ADGRL3: variants seen among roughly 807,000 people sequenced by gnomAD.
The protein encoded by ADGRL3 is calcium-independent alpha-latrotoxin receptor 3.
A neutral mutation model predicts 153.5 loss-of-function variants in ADGRL3; 62 were observed. The observed-to-expected ratio is 0.40, with a 90% CI of 0.33 to 0.50. The LOEUF (loss-of-function observed/expected upper bound fraction) is 0.50. ADGRL3 is among the 20% of genes least tolerant of loss of function. The pLI, the probability that ADGRL3 is intolerant of heterozygous loss-of-function variation, is 0.47. For missense variants in ADGRL3, 1,641 were observed against 1,859.4 expected (o/e 0.88, Z 2.16); for synonymous variants, 710 against 672.5 (o/e 1.06, Z -0.86).
At chr4:61,232,827 C>A (rs570138968) in intron 1 of ADGRL3, among the ~76,000 whole-genome samples, 21 of 152,126 alleles carry the variant, frequency 1.4e-4, no homozygotes, top group African/African-American at 4.8e-4. Flanking sequence ...TAGAAATAAG[C>A]CCTCAGCTTT....
At chr4:61,712,096 T>C (rs541214594) in intron 6 of ADGRL3, among the ~76,000 whole-genome samples, 1 of 152,194 alleles carries the variant, frequency 6.6e-6, no homozygotes, top group African/African-American at 2.4e-5. Flanking sequence ...GCATCTTGGT[T>C]AGAAAGGAAG....
intron 1 of ADGRL3, among the ~76,000 whole-genome samples, chr4:61,275,732 C>A (rs2093429335): frequency 1.3e-5 from 2 of 152,110 alleles, no homozygotes; most frequent in African/African-American, 4.8e-5. Flanking sequence ...CCCTGTAGGC[C>A]TTTAAGTGTG....
Position 61,350,360 on chromosome 4 carries a change from T to TC in ADGRL3, c.-239-32764_-239-32763insC, listed in dbSNP as rs1167567083. Among the ~76,000 whole-genome samples the TC allele has an allele frequency of 9.2e-5, 14 of 151,438 alleles. No individual in the cohort carries two copies. In the East Asian group the frequency reaches 2.5e-3, roughly 27 times the overall value. ...TGATGGAGGTTTTTTTTTTTTTTTTTTTCTATCTGGGGAAATGTACATCTT... is the reference window on the plus strand; with the variant it reads ...TGATGGAGGTTTTTTTTTTTTTTTTTCTTCTATCTGGGGAAATGTACATCTT... On this transcript the variant is annotated intron_variant, in intron 1 of 26. Coordinates refer to ENST00000683033, the MANE Select transcript of ADGRL3 (RefSeq NM_001387552.1).
intron 17 of ADGRL3, among the ~76,000 whole-genome samples, chr4:61,964,014 C>T (rs1318244278): frequency 6.6e-6 from 1 of 152,128 alleles, no homozygotes; most frequent in Non-Finnish European, 1.5e-5. Context: ...CATAGATTAT[C>T]TCATTTAATC....
rs192256603 is a variant in ADGRL3 at position 62,034,887 on chromosome 4, C to T, written c.3592-2844C>T. Among the ~76,000 whole-genome samples, 284 of 151,816 alleles carry T rather than the reference C, an allele frequency of 1.9e-3. 2 individuals carry two copies. Among genetic ancestry groups the T allele is most frequent in the African/African-American group, 6.6e-3 (274 of 41,484 alleles). On this transcript the variant is annotated intron_variant, in intron 23 of 26. Coordinates refer to ENST00000683033, the MANE Select transcript of ADGRL3 (RefSeq NM_001387552.1). ...CAGAGCTTCCACAATCATTTTATTT[C>T]TGATATGAGAAATATCAGAAATATT...
chr4:61,609,400 C>G (rs2099044725), intron 5 of ADGRL3, among the ~76,000 whole-genome samples: 1 of 151,998 alleles, frequency 6.6e-6, no homozygotes, highest in African/African-American at 2.4e-5. Flanking sequence ...TATTTTAAAA[C>G]CTTTATTAGG....
chr4:61,373,632 A>G (rs9999447), intron 1 of ADGRL3, among the ~76,000 whole-genome samples: 97,084 of 152,052 alleles, frequency 0.64, 31,133 homozygotes, highest in Middle Eastern at 0.79. Context: ...TTTAATTCAG[A>G]TAAATCATTT....
At chr4:61,693,502 T>C (rs1440448604) in intron 6 of ADGRL3, among the ~76,000 whole-genome samples, 1 of 152,088 alleles carries the variant, frequency 6.6e-6, no homozygotes, top group Non-Finnish European at 1.5e-5. Flanking sequence ...ATAAAGATTA[T>C]GTTAAGTCTG....
chr4:61,629,575 G>A (rs2093029520), intron 5 of ADGRL3, among the ~76,000 whole-genome samples: 1 of 151,124 alleles, frequency 6.6e-6, no homozygotes, highest in Admixed American at 6.6e-5. Flanking sequence ...AAATTAGCTG[G>A]GTGTGGTAGT....
chr4:61,417,166 G>A (rs575500383), intron 2 of ADGRL3, among the ~76,000 whole-genome samples: 1 of 152,114 alleles, frequency 6.6e-6, no homozygotes, highest in Admixed American at 6.5e-5. Context: ...GGGCCAGTAC[G>A]TGGCCTAGGG....
At chr4:61,327,050 A>T (rs2095479558) in intron 1 of ADGRL3, among the ~76,000 whole-genome samples, 1 of 152,022 alleles carries the variant, frequency 6.6e-6, no homozygotes, top group South Asian at 2.1e-4. Flanking sequence ...TATTGGAAAT[A>T]GTGGTGTTCA....
At chr4:61,368,384 C>G (rs2096450422) in intron 1 of ADGRL3, among the ~76,000 whole-genome samples, 1 of 152,054 alleles carries the variant, frequency 6.6e-6, no homozygotes, top group Non-Finnish European at 1.5e-5. Context: ...GTCTTTAATC[C>G]ATCTTGAATT....
At chr4:61,344,195 G>T (rs1347921322) in intron 1 of ADGRL3, among the ~76,000 whole-genome samples, 1 of 152,170 alleles carries the variant, frequency 6.6e-6, no homozygotes, top group Non-Finnish European at 1.5e-5. Context: ...CATTGACGTT[G>T]CTCAGTGAAA....
At chr4:61,734,960 G>A (rs1260063316) in intron 8 of ADGRL3, among the ~76,000 whole-genome samples, 1 of 152,154 alleles carries the variant, frequency 6.6e-6, no homozygotes, top group Non-Finnish European at 1.5e-5. Context: ...AAAATAAAGT[G>A]CAATCCTGTT....
intron 2 of ADGRL3, among the ~76,000 whole-genome samples, chr4:61,475,497 T>C (rs190900060): frequency 1.3e-5 from 2 of 152,182 alleles, no homozygotes; most frequent in Non-Finnish European, 2.9e-5. Context: ...GCAAGATATC[T>C]TCTATGAAGG....
chr4:61,336,728 C>T (rs576799041), intron 1 of ADGRL3, among the ~76,000 whole-genome samples: 1 of 152,086 alleles, frequency 6.6e-6, no homozygotes, highest in East Asian at 1.9e-4. Context: ...TGGGTACATT[C>T]ACTGTACCCA....
At chr4:61,988,559 A>G (rs908349886) in intron 19 of ADGRL3, among the ~76,000 whole-genome samples, 4 of 152,150 alleles carry the variant, frequency 2.6e-5, no homozygotes, top group Admixed American at 2.6e-4. Flanking sequence ...ATTCAGTGCT[A>G]AATACTTTGG....
At chr4:61,451,061 T>C (rs1344842195) in intron 2 of ADGRL3, among the ~76,000 whole-genome samples, 1 of 152,116 alleles carries the variant, frequency 6.6e-6, no homozygotes. Flanking sequence ...GATCATTGCG[T>C]TCGTTATCTA....
At chr4:61,242,490 G>A (rs1160229258) in intron 1 of ADGRL3, among the ~76,000 whole-genome samples, 8 of 151,910 alleles carry the variant, frequency 5.3e-5, no homozygotes, top group Admixed American at 4.6e-4. Context: ...ATTTATATTT[G>A]AATCAATGGC....
Sources: gnomAD v4.1 joint callset for allele counts (sites outside exome capture counted in the v4.1 genomes callset) on GRCh38, gnomAD v4.1.1 for gene constraint, MANE v1.5 for transcripts, NCBI Gene and HGNC (gene_info 2026-07-23, HGNC 2026-07-21) for gene names.